Variants in FOXJ2 observed in about 807,000 individuals in gnomAD.
FOXJ2 encodes the protein forkhead box protein J2.
FOXJ2 carries 18 observed loss-of-function variants against 68.4 expected under a neutral mutation model. The observed-to-expected ratio is 0.26, with a 90% confidence interval of 0.18 to 0.39. The LOEUF (loss-of-function observed/expected upper bound fraction) is 0.39, where lower values mean the gene tolerates loss of function less well. Among genes scored for constraint, FOXJ2 ranks in the 10% least tolerant of loss-of-function variants. The probability of loss-of-function intolerance (pLI) is 1.00; values close to 1 mark genes in which losing one functional copy is unlikely to be tolerated. For missense variants in FOXJ2, 670 were observed against 726.5 expected, an observed-to-expected ratio of 0.92 and a Z score of 0.89; for synonymous variants, 274 against 263.2, an observed-to-expected ratio of 1.04 and a Z score of -0.40.
At chr12:8,043,333 A>T (rs1361692616) in intron 3 of FOXJ2, among the ~76,000 whole-genome samples, 1 of 151,612 alleles carries the variant, frequency 6.6e-6, no homozygotes, top group Non-Finnish European at 1.5e-5. Flanking sequence ...TTTTTCCTAG[A>T]TGTAAAAGGT....
intron 5 of FOXJ2, 120 bp from the exon 6 acceptor site, chr12:8,044,640 G>C (rs559643848): frequency 4.3e-6 from 4 of 924,560 alleles, no homozygotes; most frequent in Non-Finnish European, 6.7e-6. Flanking sequence ...AATGATGCTG[G>C]GTCATTGAAG....
Position 8,044,073 on chromosome 12 carries a change from T to A in FOXJ2, c.600T>A (p.Ser200=). 6.5e-7 allele frequency: 1 copy of A among 1,547,764 alleles called. No individual in the cohort carries two copies. The highest frequency in any genetic ancestry group is 1.2e-5 in the South Asian group (1 of 80,106). The change falls in exon 5 of 11, where the codon TCT becomes TCA. Residue 200 remains serine, a synonymous_variant. Coordinates refer to ENST00000162391, the MANE Select transcript of FOXJ2 (RefSeq NM_018416.3). ...AGATGTCACTTCAGAGCCCCACATC[T>A]ATAGCCAGCTACAGCCAGGTAGGAA... ...NPQMSLQSPT[S]IASYSQGTGS...
chr12:8,035,968 A>G lies in FOXJ2; in HGVS notation c.-15+2135A>G, dbSNP rs1317215828. On this transcript the variant is annotated intron_variant, in intron 1 of 10. Transcript: ENST00000162391. The surrounding 1 kb of genome is among the most constrained non-coding windows in gnomAD (Gnocchi z 4.0). ...ATTGCAGATGCAGTGCAGGCTTTGT[A>G]ATGCAAACCACTGCAGGCTTGCTGC... Among the ~76,000 whole-genome samples, 3 of 152,224 alleles carry G rather than the reference A, an allele frequency of 2.0e-5. No homozygotes were observed. Among genetic ancestry groups the G allele is most frequent in the South Asian group, 4.1e-4 (2 of 4,834 alleles).
chr12:8,046,657 G>A (rs779964253), intron 6 of FOXJ2, among the ~76,000 whole-genome samples: 1 of 152,190 alleles, frequency 6.6e-6, no homozygotes, highest in Non-Finnish European at 1.5e-5. Flanking sequence ...TCGGCCCTCT[G>A]CAATATCTGT....
At chr12:8,048,392 T>A in intron 7 of FOXJ2, 103 bp downstream of exon 7, 3 of 1,483,776 alleles carry the variant, frequency 2.0e-6, no homozygotes, top group Non-Finnish European at 2.7e-6. Flanking sequence ...ATGATGGGTC[T>A]TTTAGGCTTC....
Position 8,038,698 on chromosome 12 carries a change from C to T in FOXJ2, c.-14-1121C>T, listed in dbSNP as rs1946927302. On this transcript the variant is annotated intron_variant, in intron 1 of 10. Transcript: ENST00000162391. This position sits in a 1 kb window ranked among gnomAD's most constrained non-coding sequence, Gnocchi z 5.3. ...TACAGATATCACCCATCGTTCTTCA[C>T]CTTCCCTCGCAAGATGTCACTAGCT... Among the ~76,000 whole-genome samples the T allele has an allele frequency of 6.6e-6, 1 of 152,224 alleles. No homozygotes were observed. Among genetic ancestry groups the T allele is most frequent in the Non-Finnish European group, 1.5e-5 (1 of 68,042 alleles).
chr12:8,048,780 G>T lies in FOXJ2; in HGVS notation c.1309G>T (p.Glu437Ter). Residue 437 changes from glutamate (E) to a stop codon, truncating the protein, a stop_gained, in exon 8 of 11, where the codon GAG becomes TAG. Coordinates refer to ENST00000162391, the MANE Select transcript of FOXJ2 (RefSeq NM_018416.3). LOFTEE classifies it high-confidence loss of function. ...MVNRLNWSSI[E>*]QSQFSELMES... ...GAATCGGCTCAATTGGTCCAGCATT[G>T]AGCAGTCACAATTCTCAGGTTAGTG... 2 of 1,613,888 alleles carry T rather than the reference G, an allele frequency of 1.2e-6. No individual in the cohort carries two copies. The highest frequency in any genetic ancestry group is 1.1e-5 in the South Asian group (1 of 91,064).
intron 1 of FOXJ2, 144 bp from the exon 2 acceptor site, chr12:8,039,675 G>A (rs904001330): frequency 1.3e-5 from 9 of 690,600 alleles, no homozygotes; most frequent in African/African-American, 1.8e-5. Context: ...ATCTGCTTGG[G>A]GATTCTGGGA....
At chr12:8,043,096 A>C (rs1946986496) in intron 3 of FOXJ2, among the ~76,000 whole-genome samples, 2 of 151,928 alleles carry the variant, frequency 1.3e-5, no homozygotes, top group Admixed American at 6.6e-5. Flanking sequence ...ACATGCCTGT[A>C]ATCCCAGCTA....
At position 8,044,939 on chromosome 12, in the gene FOXJ2, C is replaced by T; in HGVS notation, c.798C>T (p.Ser266=). The T allele has an allele frequency of 1.2e-6, 2 of 1,614,232 alleles. No individual in the cohort carries two copies. Among genetic ancestry groups the T allele is most frequent in the South Asian group, 2.2e-5 (2 of 91,090 alleles). The change falls in exon 6 of 11, where the codon TCC becomes TCT. Residue 266 remains serine, a synonymous_variant. Transcript: ENST00000162391. ...RNLYKSMLEK[S]SSSSQHGFSS... is the part of the protein sequence containing the mutation. ...TCTATAAGTCCATGCTGGAGAAGTC[C>T]TCTTCCTCCTCTCAGCACGGTGAGT...
rs746071418 is a variant in FOXJ2, at chr12:8,048,107, G to A, written c.1043G>A (p.Gly348Glu). Residue 348 changes from glycine (G) to glutamate (E), a missense_variant, in exon 7 of 11, where the codon GGG becomes GAG. Around this residue, in one of 2 missense-constraint regions of FOXJ2, gnomAD observed 555 missense variants for 562.2 expected, o/e 0.99. Transcript: ENST00000162391. ...TPSTDGCTPP[G>E]GKQAGAEGYG... ...AGCACAGATGGTTGTACCCCACCAG[G>A]GGGAAAGCAAGCTGGGGCGGAAGGC... 1.4e-5 allele frequency: 22 copies of A among 1,612,864 alleles called. No individual in the cohort carries two copies. In the South Asian group the frequency reaches 2.4e-4, roughly 18 times the overall value.
intron 6 of FOXJ2, among the ~76,000 whole-genome samples, chr12:8,047,494 G>A (rs1947054259): frequency 6.6e-6 from 1 of 151,924 alleles, no homozygotes; most frequent in African/African-American, 2.4e-5. Flanking sequence ...GACAACTGAT[G>A]GCTTTGTTTT....
At chr12:8,045,543 G>T (rs1160907190) in intron 6 of FOXJ2, among the ~76,000 whole-genome samples, 2 of 152,064 alleles carry the variant, frequency 1.3e-5, no homozygotes, top group African/African-American at 4.8e-5. Flanking sequence ...GTAGAGACAG[G>T]GTTTCACCAC....
Position 8,033,055 on chromosome 12 carries a change from T to C in FOXJ2, c.-793T>C, listed in dbSNP as rs1946855919. On this transcript the variant is annotated 5_prime_UTR_variant, in exon 1 of 11. Transcript: ENST00000162391. Reference sequence around the variant, plus strand: ...TCCCCCTGTTGGAGAGAAAAGACCCTTACCACTCGGGTGAGGGAAAGAAGA... The same window carrying C: ...TCCCCCTGTTGGAGAGAAAAGACCCCTACCACTCGGGTGAGGGAAAGAAGA... 7.7e-6 allele frequency: 3 copies of C among 391,640 alleles called. No homozygotes were observed. Among genetic ancestry groups the C allele is most frequent in the African/African-American group, 2.1e-5 (1 of 48,298 alleles). The allele number at this position is 391,640 out of a possible 1,614,324, so 24.3% of individuals were successfully genotyped here.
In FOXJ2 at chr12:8,048,762, C is replaced by T; in HGVS notation, c.1291C>T (p.Leu431Phe). The T allele has an allele frequency of 2.5e-6, 4 of 1,614,072 alleles. No homozygotes were observed. The highest frequency in any genetic ancestry group is 3.4e-6 in the Non-Finnish European group (4 of 1,180,026). ...LKESFKMVNR[L>F]NWSSIEQSQF... ...GGAAAGCTTCAAGATGGTGAATCGG[C>T]TCAATTGGTCCAGCATTGAGCAGTC... Residue 431 changes from leucine (L) to phenylalanine (F), a missense_variant, in exon 8 of 11, where the codon CTC (leucine) becomes TTC (phenylalanine). Physicochemically the swap from Leu to Phe is conservative, Grantham distance 22. This residue lies in a region of FOXJ2 where 555 missense variants were observed against 562.2 expected (regional missense o/e 0.99). Coordinates refer to ENST00000162391, the MANE Select transcript of FOXJ2 (RefSeq NM_018416.3).
rs1422902447 is a variant in FOXJ2 at position 8,050,358 on chromosome 12, A to T, written c.1538-164A>T. 11 of 1,396,546 alleles carry T rather than the reference A, an allele frequency of 7.9e-6. No individual in the cohort carries two copies. In the East Asian group the frequency reaches 2.5e-4, roughly 31 times the overall value. The allele number at this position is 1,396,546 out of a possible 1,614,324, so 86.5% of individuals were successfully genotyped here. A position where few individuals can be genotyped will look rare whatever the true frequency, so the allele number is the denominator to read the frequency against. ...TTTCTTTTTACCCTCAGTGGTGAGGACTGACAGCTTCTGCAGAAAGCCTTC... is the reference window on the plus strand; with the variant it reads ...TTTCTTTTTACCCTCAGTGGTGAGGTCTGACAGCTTCTGCAGAAAGCCTTC... On this transcript the variant is annotated intron_variant, in intron 9 of 10. Transcript: ENST00000162391.
In FOXJ2 at chr12:8,032,736, C is replaced by T. The variant is rs964242552; in HGVS notation, c.-1112C>T. On this transcript the variant is annotated 5_prime_UTR_variant, in exon 1 of 11. Coordinates refer to ENST00000162391, the MANE Select transcript of FOXJ2 (RefSeq NM_018416.3). The surrounding 1 kb of genome is among the most constrained non-coding windows in gnomAD (Gnocchi z 4.8). ...GGCCTGCAGCGGAGCCGAGCCGAGCCCGAGCCCGCGCCGAGCCCTGACACT... is the reference window on the plus strand; with the variant it reads ...GGCCTGCAGCGGAGCCGAGCCGAGCTCGAGCCCGCGCCGAGCCCTGACACT... 17 of 395,786 alleles carry T rather than the reference C, an allele frequency of 4.3e-5. No homozygotes were observed. Among genetic ancestry groups the T allele is most frequent in the African/African-American group, 3.5e-4 (17 of 48,428 alleles). 24.5% of individuals were successfully genotyped at this position (395,786 alleles called of 1,614,324 possible). A position where few individuals can be genotyped will look rare whatever the true frequency, so the allele number is the denominator to read the frequency against.
In FOXJ2 at chr12:8,040,049, A is replaced by G. The variant is rs781695258; in HGVS notation, c.217A>G (p.Thr73Ala). 2.3e-5 allele frequency: 37 copies of G among 1,614,026 alleles called. No individual in the cohort carries two copies. Among genetic ancestry groups the G allele is most frequent in the Non-Finnish European group, 3.1e-5 (36 of 1,180,008 alleles). Residue 73 changes from threonine (T) to alanine (A), a missense_variant, in exon 2 of 11, where the codon ACT becomes GCT. Thr to Ala is a moderately conservative substitution (Grantham distance 58, BLOSUM62 0). Transcript: ENST00000162391. The surrounding 1 kb of genome is among the most constrained non-coding windows in gnomAD (Gnocchi z 4.0). ...CGGCAAGCCACGATACAGCTATGCC[A>G]CTCTCATCACCTATGCCATCAACTC... ...QDGKPRYSYATLITYAINSSP... is the reference protein window; with the variant it reads ...QDGKPRYSYAALITYAINSSP...
chr12:8,051,662 G>C (rs1947127960), intron 10 of FOXJ2, among the ~76,000 whole-genome samples: 1 of 152,114 alleles, frequency 6.6e-6, no homozygotes, highest in South Asian at 2.1e-4. Flanking sequence ...CTCTGATAGT[G>C]GGGGTGGGGC....
Sources: gnomAD v4.1 joint callset for allele counts (sites outside exome capture counted in the v4.1 genomes callset) on GRCh38, gnomAD v4.1.1 for gene constraint, gnomAD v4.1.1 regional missense constraint, Gnocchi (gnomAD v3.1) non-coding constraint, MANE v1.5 for transcripts, NCBI Gene and HGNC (gene_info 2026-07-23, HGNC 2026-07-21) for gene names.